Variants in NPR2 observed in about 807,000 individuals in gnomAD.
NPR2 encodes natriuretic peptide receptor 2, also known as atrial natriuretic peptide receptor 2.
Under a neutral mutation model 120.7 loss-of-function variants are expected in NPR2, and 49 were observed. The observed-to-expected ratio is 0.41, with a 90% CI of 0.32 to 0.52. NPR2 has a LOEUF of 0.52. NPR2 is among the 20% of genes least tolerant of loss of function. The pLI, the probability that NPR2 is intolerant of heterozygous loss-of-function variation, is 0.36. For missense variants in NPR2, 931 were observed against 1,362.9 expected, an observed-to-expected ratio of 0.68 and a Z score of 4.99; for synonymous variants, 484 against 519.8, an observed-to-expected ratio of 0.93 and a Z score of 0.94.
At position 35,808,910 on chromosome 9, in the gene NPR2, C is replaced by T. The variant is rs1471097977; in HGVS notation, c.2986+57C>T. On this transcript the variant is annotated intron_variant, in intron 20 of 21. Coordinates refer to ENST00000342694, the MANE Select transcript of NPR2 (RefSeq NM_003995.4). This position sits in a 1 kb window ranked among gnomAD's most constrained non-coding sequence, Gnocchi z 4.0. ...CCTCAATTTATCTTGCCCTTTTCTT[C>T]TTTTCATAATCCCTCCAATTTCTTA... 2 of 1,123,040 alleles carry T rather than the reference C, an allele frequency of 1.8e-6. No homozygotes were observed. The highest frequency in any genetic ancestry group is 2.3e-5 in the East Asian group (1 of 42,684). The allele number at this position is 1,123,040 out of a possible 1,614,324, so 69.6% of individuals were successfully genotyped here.
intron 3 of NPR2, 81 bp downstream of exon 3, chr9:35,799,812 G>T (rs781182665): frequency 9.7e-6 from 14 of 1,436,214 alleles, no homozygotes; most frequent in Non-Finnish European, 1.4e-5. Context: ...TCAAGTCTTG[G>T]CTGTGGAGCA....
intron 2 of NPR2, among the ~76,000 whole-genome samples, chr9:35,796,911 G>A (rs1466484030): frequency 6.6e-6 from 1 of 152,198 alleles, no homozygotes; most frequent in Non-Finnish European, 1.5e-5. Context: ...AGGCCAGCCT[G>A]GAAAAGGTGG....
At chr9:35,795,997 G>A (rs1006785104) in intron 2 of NPR2, among the ~76,000 whole-genome samples, 4 of 152,210 alleles carry the variant, frequency 2.6e-5, no homozygotes, top group African/African-American at 4.8e-5. Context: ...CATTTGGTAG[G>A]ATGGGCAGGC....
chr9:35,807,528 G>A, intron 18 of NPR2, 130 bp downstream of exon 18: 1 of 788,960 alleles, frequency 1.3e-6, no homozygotes, highest in African/African-American at 1.7e-5. Flanking sequence ...TCAGCATCCT[G>A]GTGCTGGAGT....
At position 35,801,774 on chromosome 9, in the gene NPR2, G is replaced by A; in HGVS notation, c.1557+11G>A. On this transcript the variant is annotated intron_variant, in intron 8 of 21. Transcript: ENST00000342694. Reference sequence around the variant, plus strand: ...CTCACACTGTCGCTGGTGAGCCCTTGTCTCAGCTGTTCCTCTGCCTCCCTC... The same window carrying A: ...CTCACACTGTCGCTGGTGAGCCCTTATCTCAGCTGTTCCTCTGCCTCCCTC... 2 of 1,614,146 alleles carry A rather than the reference G, an allele frequency of 1.2e-6. No individual in the cohort carries two copies. The highest frequency in any genetic ancestry group is 1.7e-5 in the Admixed American group (1 of 60,016).
In NPR2 at chr9:35,806,612, G is replaced by A. The variant is rs28764013; in HGVS notation, c.2519+74G>A. On this transcript the variant is annotated intron_variant, in intron 16 of 21. Coordinates refer to ENST00000342694, the MANE Select transcript of NPR2 (RefSeq NM_003995.4). The surrounding 1 kb of genome is among the most constrained non-coding windows in gnomAD (Gnocchi z 4.6). ...TTGGGCTCTGCCTCATCAGGCACCT[G>A]AGAACTCGCCTCCCCACCCTCAGAA... 7,160 of 1,552,264 alleles carry A rather than the reference G, an allele frequency of 4.6e-3. 38 individuals are homozygous for A. The highest frequency in any genetic ancestry group is 9.8e-3 in the Middle Eastern group (51 of 5,210).
At chr9:35,807,295 A>T (rs1270648329) in intron 17 of NPR2, 35 bp from the exon 18 acceptor site, 2 of 1,581,264 alleles carry the variant, frequency 1.3e-6, no homozygotes, top group Non-Finnish European at 1.7e-6. Context: ...AATTGGGCAC[A>T]AGTCTCAGGG....
intron 18 of NPR2, chr9:35,807,972 C>T: frequency 1.7e-6 from 1 of 578,396 alleles, no homozygotes. Context: ...TGGCATGTGG[C>T]AGACTACTAT....
In NPR2 at chr9:35,805,273, G is replaced by A. The variant is rs1235136028; in HGVS notation, c.1888-238G>A. ...TAGCTCCACTTATCCCTCTTTTTAAGCATTTTCCCTGTCCCTGGTGGCTGG... is the reference window on the plus strand; with the variant it reads ...TAGCTCCACTTATCCCTCTTTTTAAACATTTTCCCTGTCCCTGGTGGCTGG... On this transcript the variant is annotated intron_variant, in intron 12 of 21. Transcript: ENST00000342694. This position sits in a 1 kb window ranked among gnomAD's most constrained non-coding sequence, Gnocchi z 4.9. Among the ~76,000 whole-genome samples the A allele has an allele frequency of 6.6e-6, 1 of 152,146 alleles. No homozygotes were observed. The highest frequency in any genetic ancestry group is 6.5e-5 in the Admixed American group (1 of 15,276).
rs2132091943 is a variant in NPR2, at chr9:35,806,289, A to G, written c.2372+56A>G. 1.2e-6 allele frequency: 2 copies of G among 1,610,768 alleles called. No individual in the cohort carries two copies. The highest frequency in any genetic ancestry group is 2.2e-5 in the South Asian group (2 of 91,000). ...CAGGGATAGAAGACTCATTAGTCCT[A>G]GTGCATGAAGTGGGGCAGGTGGGAC... is the stretch of plus-strand genomic sequence containing the variant. On this transcript the variant is annotated intron_variant, in intron 15 of 21. Transcript: ENST00000342694. This position sits in a 1 kb window ranked among gnomAD's most constrained non-coding sequence, Gnocchi z 4.6.
At chr9:35,804,504 A>G (rs985071220) in intron 12 of NPR2, among the ~76,000 whole-genome samples, 2 of 152,172 alleles carry the variant, frequency 1.3e-5, no homozygotes, top group African/African-American at 4.8e-5. Context: ...AAGTGCTGGG[A>G]TTACAGGCAT....
chr9:35,808,314 G>A lies in NPR2; in HGVS notation c.2713-195G>A, dbSNP rs1412725109. On this transcript the variant is annotated intron_variant, in intron 18 of 21. Transcript: ENST00000342694. This position sits in a 1 kb window ranked among gnomAD's most constrained non-coding sequence, Gnocchi z 4.0. ...CTGAGTATTCACCAGGTGCTGGGTGGAGAAAGAAGACTTAAAGATTCCCTA... is the reference window on the plus strand; with the variant it reads ...CTGAGTATTCACCAGGTGCTGGGTGAAGAAAGAAGACTTAAAGATTCCCTA... The A allele has an allele frequency of 6.3e-7, 1 of 1,589,514 alleles. No individual in the cohort carries two copies. Among genetic ancestry groups the A allele is most frequent in the Non-Finnish European group, 8.6e-7 (1 of 1,157,586 alleles).
chr9:35,806,003 A>AC lies in NPR2; in HGVS notation c.2203+21dup. 6.2e-7 allele frequency: 1 copy of AC among 1,614,136 alleles called. No homozygotes were observed. The highest frequency in any genetic ancestry group is 8.5e-7 in the Non-Finnish European group (1 of 1,180,006). ...CCCCAAAGGTAAGAGTCAATCCACT[A>AC]CCCACAGCCTCTTCTTCCTGGGGGA... On this transcript the variant is annotated intron_variant, in intron 14 of 21. Transcript: ENST00000342694. This position sits in a 1 kb window ranked among gnomAD's most constrained non-coding sequence, Gnocchi z 4.6.
intron 2 of NPR2, 112 bp from the exon 3 acceptor site, chr9:35,799,506 G>A (rs1828063009): frequency 1.3e-6 from 1 of 792,686 alleles, no homozygotes. Context: ...AGACTCACCT[G>A]TGTATATTTT....
chr9:35,792,223 C>T lies in NPR2; in HGVS notation c.-186C>T, dbSNP rs1827803417. On this transcript the variant is annotated 5_prime_UTR_variant, in exon 1 of 22. Coordinates refer to ENST00000342694, the MANE Select transcript of NPR2 (RefSeq NM_003995.4). Reference sequence around the variant, plus strand: ...TGGTAGCCCACTCCTTGCCCGCCCCCCGCCTTCCTCCCATCTCCCCCTCCT... The same window carrying T: ...TGGTAGCCCACTCCTTGCCCGCCCCTCGCCTTCCTCCCATCTCCCCCTCCT... 3 of 604,804 alleles carry T rather than the reference C, an allele frequency of 5.0e-6. No homozygotes were observed. Among genetic ancestry groups the T allele is most frequent in the East Asian group, 6.0e-5 (2 of 33,428 alleles). The allele number at this position is 604,804 out of a possible 1,614,324, so 37.5% of individuals were successfully genotyped here.
chr9:35,802,444 T>C lies in NPR2; in HGVS notation c.1711-59T>C. On this transcript the variant is annotated intron_variant, in intron 10 of 21. Transcript: ENST00000342694. This position sits in a 1 kb window ranked among gnomAD's most constrained non-coding sequence, Gnocchi z 4.2. Reference sequence around the variant, plus strand: ...GTCCTCTTATGTAGTGGTAAGTTTCTGTATCTAATTTTTAACTCTTTCAAT... The same window carrying C: ...GTCCTCTTATGTAGTGGTAAGTTTCCGTATCTAATTTTTAACTCTTTCAAT... The C allele has an allele frequency of 9.4e-7, 1 of 1,061,286 alleles. No homozygotes were observed. 65.7% of individuals were successfully genotyped at this position (1,061,286 alleles called of 1,614,324 possible). A position where few individuals can be genotyped will look rare whatever the true frequency, so the allele number is the denominator to read the frequency against.
chr9:35,809,033 A>T lies in NPR2; in HGVS notation c.2987-123A>T. 1 of 1,055,210 alleles carries T rather than the reference A, an allele frequency of 9.5e-7. No individual in the cohort carries two copies. The highest frequency in any genetic ancestry group is 1.5e-6 in the Non-Finnish European group (1 of 675,506). 65.4% of individuals were successfully genotyped at this position (1,055,210 alleles called of 1,614,324 possible). ...GTTGGGCATATTTTGGTCCTAATAG[A>T]TATGCATTGGGAGCTTCCCAGGGAT... On this transcript the variant is annotated intron_variant, in intron 20 of 21. Transcript: ENST00000342694. This position sits in a 1 kb window ranked among gnomAD's most constrained non-coding sequence, Gnocchi z 4.1.
intron 2 of NPR2, among the ~76,000 whole-genome samples, chr9:35,796,757 G>C (rs1344311041): frequency 2.0e-5 from 3 of 152,330 alleles, no homozygotes; most frequent in South Asian, 2.1e-4. Context: ...GGGCTGAGGG[G>C]TGATAAGGTG....
chr9:35,808,948 A>G lies in NPR2; in HGVS notation c.2986+95A>G. 3.1e-6 allele frequency: 3 copies of G among 976,792 alleles called. No individual in the cohort carries two copies. Among genetic ancestry groups the G allele is most frequent in the Non-Finnish European group, 5.0e-6 (3 of 602,670 alleles). The allele number at this position is 976,792 out of a possible 1,614,324, so 60.5% of individuals were successfully genotyped here. On this transcript the variant is annotated intron_variant, in intron 20 of 21. Coordinates refer to ENST00000342694, the MANE Select transcript of NPR2 (RefSeq NM_003995.4). This position sits in a 1 kb window ranked among gnomAD's most constrained non-coding sequence, Gnocchi z 4.0. ...CTCCAATTTCTTAATCTGAGAGACC[A>G]CAGTTCCTTAGTGTCGCATCCTCGG...
Sources: gnomAD v4.1 joint callset for allele counts (sites outside exome capture counted in the v4.1 genomes callset) on GRCh38, gnomAD v4.1.1 for gene constraint, Gnocchi (gnomAD v3.1) non-coding constraint, MANE v1.5 for transcripts, NCBI Gene and HGNC (gene_info 2026-07-23, HGNC 2026-07-21) for gene names.